FANCC: variants seen among roughly 807,000 people sequenced by gnomAD.
FANCC encodes FA complementation group C.
FANCC carries 55 observed loss-of-function variants against 71.3 expected under a neutral mutation model. The ratio of observed to expected loss-of-function variants is 0.77; its 90% CI spans 0.62 to 0.97. FANCC has a LOEUF of 0.97. FANCC is among the 50% of genes least tolerant of loss of function. FANCC has a pLI of 0.00. For missense variants in FANCC, 678 were observed against 670.9 expected (o/e 1.01, Z -0.12); for synonymous variants, 275 against 244.9 (o/e 1.12, Z -1.15).
intron 1 of FANCC, among the ~76,000 whole-genome samples, chr9:95,288,492 TA>T (rs1833819923): frequency 6.6e-6 from 1 of 152,236 alleles, no homozygotes; most frequent in South Asian, 2.1e-4. Flanking sequence ...TGACAAGCCA[TA>T]CTTTAATACA....
chr9:95,114,426 G>C, intron 12 of FANCC: 1 of 661,520 alleles, frequency 1.5e-6, no homozygotes, highest in East Asian at 2.8e-5. Flanking sequence ...GCATACATGC[G>C]CATGCCTATT....
At chr9:95,175,527 A>G (rs1825959611) in intron 4 of FANCC, among the ~76,000 whole-genome samples, 1 of 152,208 alleles carries the variant, frequency 6.6e-6, no homozygotes, top group South Asian at 2.1e-4. Context: ...CCATAGCCCC[A>G]AGAGAGTTCG....
At chr9:95,293,358 T>G (rs1226402171) in intron 1 of FANCC, 16 of 1,597,780 alleles carry the variant, frequency 1.0e-5, no homozygotes, top group Non-Finnish European at 1.4e-5. Flanking sequence ...ACAGGGGCTG[T>G]GCACTTACTG....
Position 95,294,870 on chromosome 9 carries a change from C to T in FANCC, c.-79+22656G>A, listed in dbSNP as rs775762930. 5.0e-5 allele frequency: 70 copies of T among 1,412,720 alleles called. No homozygotes were observed. In the Middle Eastern group the frequency reaches 7.5e-4, roughly 15 times the overall value. 87.5% of individuals were successfully genotyped at this position (1,412,720 alleles called of 1,614,324 possible). On this transcript the variant is annotated intron_variant, in intron 1 of 14. Coordinates refer to ENST00000289081, the MANE Select transcript of FANCC (RefSeq NM_000136.3). ...TACCATTTCCTCTGGATTAAAACTACGGACGGGGGACAACAGTATTAATTC... is the reference window on the plus strand; with the variant it reads ...TACCATTTCCTCTGGATTAAAACTATGGACGGGGGACAACAGTATTAATTC...
intron 1 of FANCC, among the ~76,000 whole-genome samples, chr9:95,303,832 T>C (rs925063531): frequency 1.6e-4 from 25 of 152,172 alleles, no homozygotes; most frequent in African/African-American, 6.0e-4. Context: ...ATTCAGCCCA[T>C]AACACAACCC....
intron 6 of FANCC, among the ~76,000 whole-genome samples, chr9:95,150,319 T>C (rs1310175177): frequency 1.3e-5 from 2 of 152,202 alleles, no homozygotes; most frequent in African/African-American, 4.8e-5. Context: ...ACTTTGTTCT[T>C]TATATTCACA....
At chr9:95,118,171 A>T (rs749056089) in intron 10 of FANCC, among the ~76,000 whole-genome samples, 12 of 151,964 alleles carry the variant, frequency 7.9e-5, no homozygotes, top group South Asian at 2.1e-4. Context: ...GGCACATGCC[A>T]CCACACCTGG....
At chr9:95,273,470 A>T (rs1375167580) in intron 1 of FANCC, among the ~76,000 whole-genome samples, 1 of 152,238 alleles carries the variant, frequency 6.6e-6, no homozygotes, top group African/African-American at 2.4e-5. Context: ...ACAACACCCA[A>T]GGAAAGAAAA....
intron 4 of FANCC, among the ~76,000 whole-genome samples, chr9:95,193,705 A>G (rs1320563209): frequency 1.3e-5 from 2 of 152,194 alleles, no homozygotes; most frequent in African/African-American, 4.8e-5. Context: ...ACCAGCTATC[A>G]CAGTCAAAAT....
intron 4 of FANCC, among the ~76,000 whole-genome samples, chr9:95,227,422 G>C (rs554747335): frequency 2.6e-5 from 4 of 152,264 alleles, no homozygotes; most frequent in African/African-American, 7.2e-5. Context: ...CTACATTCTT[G>C]AATCTGTTTA....
At chr9:95,302,484 G>T (rs7027204) in intron 1 of FANCC, among the ~76,000 whole-genome samples, 58,461 of 152,032 alleles carry the variant, frequency 0.38, 11,835 homozygotes, top group East Asian at 0.58. Flanking sequence ...GCCTGGTGGG[G>T]TAGATTCCAG....
chr9:95,243,614 C>T (rs1278625258), intron 3 of FANCC, among the ~76,000 whole-genome samples: 1 of 150,850 alleles, frequency 6.6e-6, no homozygotes, highest in Non-Finnish European at 1.5e-5. Context: ...GAAACCCCAT[C>T]TCTACTAAAA....
chr9:95,232,195 G>A (rs541940849), intron 4 of FANCC, among the ~76,000 whole-genome samples: 8 of 152,092 alleles, frequency 5.3e-5, no homozygotes, highest in South Asian at 2.1e-4. Context: ...ACTAGACCTC[G>A]CAAGAACTAG....
At chr9:95,128,794 T>C (rs1826409646) in intron 8 of FANCC, among the ~76,000 whole-genome samples, 1 of 152,236 alleles carries the variant, frequency 6.6e-6, no homozygotes, top group Admixed American at 6.5e-5. Flanking sequence ...GACCCTTGGC[T>C]ACTCTCAGCC....
At chr9:95,278,137 G>A (rs1350456151) in intron 1 of FANCC, among the ~76,000 whole-genome samples, 2 of 152,202 alleles carry the variant, frequency 1.3e-5, no homozygotes, top group Non-Finnish European at 2.9e-5. Flanking sequence ...AAGCTGTATT[G>A]GGCTAAGGAA....
intron 1 of FANCC, among the ~76,000 whole-genome samples, chr9:95,271,298 C>T (rs567072934): frequency 1.3e-5 from 2 of 152,294 alleles, no homozygotes; most frequent in South Asian, 2.1e-4. Context: ...TGACTATTAC[C>T]TTGTACAACA....
At position 95,111,490 on chromosome 9, in the gene FANCC, A is replaced by G. The variant is rs2134546972; in HGVS notation, c.1302T>C (p.Asp434=). 6.2e-7 allele frequency: 1 copy of G among 1,613,726 alleles called. No individual in the cohort carries two copies. Among genetic ancestry groups the G allele is most frequent in the Non-Finnish European group, 8.5e-7 (1 of 1,179,972 alleles). The change falls in exon 13 of 15, where the codon GAT becomes GAC. Residue 434 remains aspartate, a synonymous_variant. Coordinates refer to ENST00000289081, the MANE Select transcript of FANCC (RefSeq NM_000136.3). The part of the protein sequence containing the change: ...WLLAFYYGPR[D]GRQQRAQTMV... ...TAGTCTGTGCTCTCTGCTGCCTCCC[A>G]TCACGGGGGCCGTAGTAGAAGGCCA...
At chr9:95,202,278 G>C (rs1035566450) in intron 4 of FANCC, among the ~76,000 whole-genome samples, 2 of 152,254 alleles carry the variant, frequency 1.3e-5, no homozygotes, top group East Asian at 3.9e-4. Flanking sequence ...TGCCAGGGCA[G>C]AGGGAACTGG....
chr9:95,157,129 T>G (rs1226701139), intron 6 of FANCC, among the ~76,000 whole-genome samples: 1 of 151,644 alleles, frequency 6.6e-6, no homozygotes, highest in African/African-American at 2.4e-5. Context: ...TTTCCTGTGT[T>G]TTTTTTTCCT....
Sources: gnomAD v4.1 joint callset for allele counts (sites outside exome capture counted in the v4.1 genomes callset) on GRCh38, gnomAD v4.1.1 for gene constraint, MANE v1.5 for transcripts, NCBI Gene and HGNC (gene_info 2026-07-23, HGNC 2026-07-21) for gene names.